XRCC4: variants seen among roughly 807,000 people sequenced by gnomAD.
The protein encoded by XRCC4 is DNA repair protein XRCC4.
Under a neutral mutation model 39.1 loss-of-function variants are expected in XRCC4, and 28 were observed. That is an observed-to-expected ratio of 0.72 (90% CI 0.53 to 0.98). The LOEUF is 0.98. Among genes scored for constraint, XRCC4 ranks in the 50% least tolerant of loss-of-function variants. XRCC4 has a pLI of 0.00. For missense variants in XRCC4, 350 were observed against 376.4 expected (o/e 0.93, Z 0.58); for synonymous variants, 123 against 126.4 (o/e 0.97, Z 0.18).
chr5:83,184,923 T>A (rs1425709673), intron 3 of XRCC4, among the ~76,000 whole-genome samples: 1 of 152,148 alleles, frequency 6.6e-6, no homozygotes, highest in African/African-American at 2.4e-5. Context: ...TCTTTAGATA[T>A]TGTTCACAAG....
chr5:83,238,669 A>G (rs1445535498), intron 6 of XRCC4, among the ~76,000 whole-genome samples: 5 of 152,154 alleles, frequency 3.3e-5, no homozygotes, highest in African/African-American at 4.8e-5. Context: ...GGAGAACTGT[A>G]TTTATATGAG....
intron 1 of XRCC4, among the ~76,000 whole-genome samples, chr5:83,088,260 T>A (rs1303839526): frequency 2.0e-5 from 3 of 152,198 alleles, no homozygotes; most frequent in Non-Finnish European, 2.9e-5. Flanking sequence ...ACTTATTTTT[T>A]AAATAACTAA....
chr5:83,302,593 CT>C (rs1755329456), intron 7 of XRCC4, among the ~76,000 whole-genome samples: 1 of 152,158 alleles, frequency 6.6e-6, no homozygotes, highest in Non-Finnish European at 1.5e-5. Context: ...CTGGCTTCCG[CT>C]TGGTCTCAAT....
chr5:83,211,966 G>T (rs1403039596), intron 6 of XRCC4, among the ~76,000 whole-genome samples: 1 of 152,160 alleles, frequency 6.6e-6, no homozygotes, highest in African/African-American at 2.4e-5. Flanking sequence ...AAACAGGAAA[G>T]TGTGGTCCAT....
At chr5:83,327,988 TC>T (rs1337362399) in intron 7 of XRCC4, among the ~76,000 whole-genome samples, 1 of 152,048 alleles carries the variant, frequency 6.6e-6, no homozygotes, top group Non-Finnish European at 1.5e-5. Flanking sequence ...TTTCTATTAG[TC>T]CGTTTTCATG....
At chr5:83,359,839 T>G in the XRCC4 span, among the ~76,000 whole-genome samples, 3 of 152,096 alleles carry the variant, frequency 2.0e-5, no homozygotes, top group South Asian at 4.1e-4. Context: ...GATAGGAAAA[T>G]AAAATCAATT....
chr5:83,203,833 AT>A (rs1561401827), intron 5 of XRCC4, 126 bp downstream of exon 5: 8 of 1,156,466 alleles, frequency 6.9e-6, no homozygotes, highest in Non-Finnish European at 8.6e-6. Flanking sequence ...CTGGATGTGG[AT>A]GTTCAGGCTG....
chr5:83,248,774 T>A (rs1580422227), intron 6 of XRCC4, among the ~76,000 whole-genome samples: 1 of 152,210 alleles, frequency 6.6e-6, no homozygotes, highest in Admixed American at 6.5e-5. Context: ...TAGCTTTTAA[T>A]TGTCTGATTT....
intron 1 of XRCC4, among the ~76,000 whole-genome samples, chr5:83,100,050 A>G (rs1240844966): frequency 1.3e-5 from 2 of 152,182 alleles, no homozygotes; most frequent in African/African-American, 4.8e-5. Context: ...AGTGCTTTCA[A>G]ACCTCATTCA....
intron 6 of XRCC4, among the ~76,000 whole-genome samples, chr5:83,231,473 C>T (rs573278347): frequency 4.6e-5 from 7 of 152,140 alleles, no homozygotes; most frequent in African/African-American, 1.4e-4. Context: ...CTTTGCAGTA[C>T]AACTGAATAA....
chr5:83,364,548 T>C, the XRCC4 span, among the ~76,000 whole-genome samples: 1 of 152,202 alleles, frequency 6.6e-6, no homozygotes, highest in African/African-American at 2.4e-5. Context: ...AGGCCATCTA[T>C]GCATGTGGCT....
At chr5:83,219,036 C>T (rs1016060062) in intron 6 of XRCC4, among the ~76,000 whole-genome samples, 1 of 152,066 alleles carries the variant, frequency 6.6e-6, no homozygotes, top group African/African-American at 2.4e-5. Flanking sequence ...TTAATTTCTT[C>T]TGAGGGCTTT....
chr5:83,300,631 T>C (rs1755249818), intron 7 of XRCC4, among the ~76,000 whole-genome samples: 1 of 142,946 alleles, frequency 7.0e-6, no homozygotes, highest in African/African-American at 2.5e-5. Flanking sequence ...ATGCAGAACA[T>C]GCATGTTTGT....
intron 3 of XRCC4, among the ~76,000 whole-genome samples, chr5:83,149,160 G>A (rs533814235): frequency 1.2e-4 from 18 of 152,252 alleles, no homozygotes; most frequent in Non-Finnish European, 2.4e-4. Flanking sequence ...CTGTAGCCAC[G>A]CATAGATTTG....
chr5:83,273,918 C>T lies in XRCC4; in HGVS notation c.893+15241C>T, dbSNP rs556402103. Among the ~76,000 whole-genome samples, 67 of 151,348 alleles carry T rather than the reference C, an allele frequency of 4.4e-4. 1 individual carries two copies. The highest frequency in any genetic ancestry group is 3.0e-3 in the Admixed American group (45 of 15,192). ...TATATGGGCTCTTTTTTTTTTGTTC[C>T]GTGTGGCCGTTACACCTTTTATTCC... On this transcript the variant is annotated intron_variant, in intron 7 of 7. Coordinates refer to ENST00000396027, the MANE Select transcript of XRCC4 (RefSeq NM_003401.5).
At chr5:83,111,329 C>T in intron 3 of XRCC4, 126 bp downstream of exon 3, 1 of 662,108 alleles carries the variant, frequency 1.5e-6, no homozygotes, top group South Asian at 4.0e-5. Flanking sequence ...TTGAAAAGTA[C>T]TTGGTTTCCA....
intron 6 of XRCC4, among the ~76,000 whole-genome samples, chr5:83,209,680 A>C (rs559800324): frequency 6.6e-6 from 1 of 152,044 alleles, no homozygotes; most frequent in Non-Finnish European, 1.5e-5. Flanking sequence ...TTAATTCCTC[A>C]CTAATTATTT....
intron 7 of XRCC4, among the ~76,000 whole-genome samples, chr5:83,302,498 A>G (rs67837423): frequency 0.078 from 11,798 of 152,094 alleles, 696 homozygotes; most frequent in South Asian, 0.16. Context: ...ACCCTGCTTC[A>G]GCTCTCCCTC....
At chr5:83,163,673 A>G (rs1243149069) in intron 3 of XRCC4, among the ~76,000 whole-genome samples, 1 of 152,188 alleles carries the variant, frequency 6.6e-6, no homozygotes, top group African/African-American at 2.4e-5. Context: ...GTATATAGCT[A>G]TGAATTTTAA....
Sources: allele counts gnomAD v4.1 joint callset (sites outside exome capture counted in the v4.1 genomes callset), GRCh38; gene constraint gnomAD v4.1.1; transcripts MANE v1.5; gene names NCBI Gene and HGNC (gene_info 2026-07-23, HGNC 2026-07-21).